Variants in NPAS3 observed in about 807,000 individuals in gnomAD.
NPAS3 encodes the protein neuronal PAS domain protein 3.
Under a neutral mutation model 73.1 loss-of-function variants are expected in NPAS3, and 14 were observed. The observed-to-expected ratio is 0.19, with a 90% confidence interval of 0.13 to 0.30. The LOEUF is 0.30. Among genes scored for constraint, NPAS3 ranks in the 10% least tolerant of loss-of-function variants. NPAS3 has a pLI of 1.00. For missense variants in NPAS3, 1,096 were observed against 1,250.0 expected, an observed-to-expected ratio of 0.88 and a Z score of 1.86; for synonymous variants, 620 against 541.5, an observed-to-expected ratio of 1.14 and a Z score of -2.01.
chr14:33,753,358 T>TAAAAAAAAAAAAAAA (rs34619014), intron 7 of NPAS3, among the ~76,000 whole-genome samples: 13 of 129,442 alleles, frequency 1.0e-4, no homozygotes, highest in African/African-American at 3.3e-4. Context: ...GTTAAATTGA[T>TAAAAAAAAAAAAAAA]AAAAAAAAAA....
At position 33,229,106 on chromosome 14, in the gene NPAS3, A is replaced by G. The variant is rs143288800; in HGVS notation, c.385+13680A>G. 3.6e-3 allele frequency among the ~76,000 whole-genome samples: 555 copies of G among 152,300 alleles called. 5 individuals are homozygous for G. The highest frequency in any genetic ancestry group is 0.013 in the African/African-American group (522 of 41,570). ...CTCACGATGGTTTTTCCTCTCAGAA[A>G]AGTATTTTAAACAGGATACCCAATG... On this transcript the variant is annotated intron_variant, in intron 3 of 11. Coordinates refer to ENST00000356141, the Ensembl canonical transcript of NPAS3.
intron 2 of NPAS3, among the ~76,000 whole-genome samples, chr14:33,141,013 G>A (rs2044024999): frequency 6.6e-6 from 1 of 152,166 alleles, no homozygotes; most frequent in Non-Finnish European, 1.5e-5. Context: ...CAGCCTCCCA[G>A]GAGAAGTAAT....
Position 33,800,188 on chromosome 14 carries a change from C to G in NPAS3, c.1881C>G (p.Asp627Glu). ...GCGCGTCGAGCCCAGGCGGCCTGGACGCGGGCCTGGTGGAGCCCCCGCGGC... is the reference window on the plus strand; with the variant it reads ...GCGCGTCGAGCCCAGGCGGCCTGGAGGCGGGCCTGGTGGAGCCCCCGCGGC... The change falls in exon 12 of 12, where the codon GAC (aspartate) becomes GAG (glutamate). Residue 627 changes from aspartate to glutamate, a missense_variant. This residue lies in a region of NPAS3 where 698 missense variants were observed against 676.7 expected (regional missense o/e 1.03). Transcript: ENST00000356141. The surrounding 1 kb of genome is among the most constrained non-coding windows in gnomAD (Gnocchi z 6.5). 1 of 1,611,464 alleles carries G rather than the reference C, an allele frequency of 6.2e-7. No individual in the cohort carries two copies. Among genetic ancestry groups the G allele is most frequent in the Non-Finnish European group, 8.5e-7 (1 of 1,179,364 alleles).
chr14:33,026,095 T>A (rs1038017738), intron 1 of NPAS3, among the ~76,000 whole-genome samples: 4 of 152,142 alleles, frequency 2.6e-5, no homozygotes, highest in Admixed American at 2.6e-4. Context: ...GGAACAAAAT[T>A]CCAGGTTGAT....
chr14:33,409,625 C>T (rs2047829478), intron 4 of NPAS3, among the ~76,000 whole-genome samples: 1 of 152,140 alleles, frequency 6.6e-6, no homozygotes, highest in African/African-American at 2.4e-5. Flanking sequence ...AATTTACTAG[C>T]TTAATTTGAG....
At chr14:33,606,337 T>C (rs1298193367) in intron 5 of NPAS3, among the ~76,000 whole-genome samples, 1 of 151,198 alleles carries the variant, frequency 6.6e-6, no homozygotes, top group Non-Finnish European at 1.5e-5. Flanking sequence ...GGTTTTTTGT[T>C]CTTGCGATAG....
intron 4 of NPAS3, among the ~76,000 whole-genome samples, chr14:33,377,270 G>A (rs1002276915): frequency 1.3e-5 from 2 of 152,160 alleles, no homozygotes; most frequent in African/African-American, 4.8e-5. Context: ...AGTTTATAAA[G>A]GGACTCCAGA....
chr14:33,771,512 A>G (rs2062650794), intron 7 of NPAS3, among the ~76,000 whole-genome samples: 1 of 152,206 alleles, frequency 6.6e-6, no homozygotes, highest in Non-Finnish European at 1.5e-5. Context: ...CAGTTTACTT[A>G]ATAAACTGGC....
intron 3 of NPAS3, among the ~76,000 whole-genome samples, chr14:33,251,788 C>G (rs537371556): frequency 3.9e-4 from 59 of 152,150 alleles, no homozygotes; most frequent in African/African-American, 1.4e-3. Context: ...TTTATTTGAT[C>G]ACATGGAATC....
In NPAS3 at chr14:33,159,768, T is replaced by A. The variant is rs144214070; in HGVS notation, c.141-55414T>A. On this transcript the variant is annotated intron_variant, in intron 2 of 11. Coordinates refer to ENST00000356141, the Ensembl canonical transcript of NPAS3. ...CGGGGTTTCACCGTGTTAGCCAGGA[T>A]GGTCTCAATGTCCTGACCTCGTGAT... 4.7e-3 allele frequency among the ~76,000 whole-genome samples: 714 copies of A among 152,208 alleles called. 26 individuals carry two copies. The East Asian group carries it at 0.087, about 18-fold the overall frequency.
intron 3 of NPAS3, among the ~76,000 whole-genome samples, chr14:33,258,828 T>G (rs905530597): frequency 6.6e-6 from 1 of 152,152 alleles, no homozygotes; most frequent in Non-Finnish European, 1.5e-5. Context: ...GTTTGTTTGT[T>G]TTTGAGATGG....
intron 4 of NPAS3, among the ~76,000 whole-genome samples, chr14:33,550,291 C>G (rs1418640619): frequency 6.6e-6 from 1 of 152,214 alleles, no homozygotes; most frequent in Non-Finnish European, 1.5e-5. Context: ...ATAAGCATTA[C>G]TGCTTTTAAT....
intron 6 of NPAS3, among the ~76,000 whole-genome samples, chr14:33,685,150 G>GAAAT (rs976286880): frequency 2.6e-5 from 4 of 152,116 alleles, no homozygotes; most frequent in African/African-American, 7.2e-5. Flanking sequence ...AAACACCAAG[G>GAAAT]AAATAATGAC....
At chr14:33,716,279 G>A (rs547685436) in intron 6 of NPAS3, among the ~76,000 whole-genome samples, 12 of 152,134 alleles carry the variant, frequency 7.9e-5, no homozygotes, top group Non-Finnish European at 1.5e-4. Flanking sequence ...CTACTGTTTC[G>A]TCTTAGCCGT....
At chr14:33,496,832 A>G (rs1168120285) in intron 4 of NPAS3, among the ~76,000 whole-genome samples, 1 of 152,118 alleles carries the variant, frequency 6.6e-6, no homozygotes, top group Non-Finnish European at 1.5e-5. Flanking sequence ...TCAACATAGT[A>G]TTGGAAGTTC....
chr14:33,526,273 T>G (rs1340891909), intron 4 of NPAS3, among the ~76,000 whole-genome samples: 1 of 152,116 alleles, frequency 6.6e-6, no homozygotes, highest in Non-Finnish European at 1.5e-5. Context: ...AATAATAAAC[T>G]CACAGTATAC....
At chr14:33,671,660 C>T (rs958715794) in intron 5 of NPAS3, among the ~76,000 whole-genome samples, 1 of 152,172 alleles carries the variant, frequency 6.6e-6, no homozygotes, top group African/African-American at 2.4e-5. Context: ...GATGCATTCT[C>T]AGCTGTTTTG....
At chr14:33,345,565 G>T (rs754150963) in intron 3 of NPAS3, among the ~76,000 whole-genome samples, 2 of 152,188 alleles carry the variant, frequency 1.3e-5, no homozygotes, top group Non-Finnish European at 2.9e-5. Flanking sequence ...TTTTACTTTA[G>T]AGTGCATTTA....
At chr14:33,585,540 T>C (rs576765137) in intron 5 of NPAS3, among the ~76,000 whole-genome samples, 1 of 152,322 alleles carries the variant, frequency 6.6e-6, no homozygotes, top group African/African-American at 2.4e-5. Context: ...TGGATTGAAA[T>C]AACCTTATCA....
Sources: gnomAD v4.1 joint callset for allele counts (sites outside exome capture counted in the v4.1 genomes callset) on GRCh38, gnomAD v4.1.1 for gene constraint, gnomAD v4.1.1 regional missense constraint, Gnocchi (gnomAD v3.1) non-coding constraint, MANE v1.5 for transcripts, NCBI Gene and HGNC (gene_info 2026-07-23, HGNC 2026-07-21) for gene names.